DMXL1: variants seen among roughly 807,000 people sequenced by gnomAD.
The protein encoded by DMXL1 is dmX-like protein 1.
In DMXL1, 99 loss-of-function variants were observed where a neutral mutation model predicts 319.2. The ratio of observed to expected loss-of-function variants is 0.31; its 90% CI spans 0.26 to 0.37. DMXL1 has a LOEUF of 0.37. DMXL1 is among the 10% of genes least tolerant of loss of function. The probability of loss-of-function intolerance (pLI) is 1.00; values close to 1 mark genes in which losing one functional copy is unlikely to be tolerated. For synonymous variants in DMXL1, 1,385 were observed against 1,235.2 expected (o/e 1.12, Z -2.54); for missense variants, 3,745 against 3,595.6 (o/e 1.04, Z -1.06).
At chr5:119,162,692 A>G (rs1009557815) in intron 19 of DMXL1, among the ~76,000 whole-genome samples, 1 of 152,244 alleles carries the variant, frequency 6.6e-6, no homozygotes, top group African/African-American at 2.4e-5. Flanking sequence ...GCAAGGAATG[A>G]AACCTGGAAC....
At chr5:119,110,980 G>A (rs1193380996) in intron 5 of DMXL1, among the ~76,000 whole-genome samples, 1 of 152,054 alleles carries the variant, frequency 6.6e-6, no homozygotes, top group Non-Finnish European at 1.5e-5. Context: ...GTAGAGACGG[G>A]GTTTCACCAT....
intron 38 of DMXL1, among the ~76,000 whole-genome samples, chr5:119,229,626 T>C (rs1361036725): frequency 1.3e-5 from 2 of 152,212 alleles, no homozygotes; most frequent in African/African-American, 2.4e-5. Flanking sequence ...AAGAAAAACA[T>C]CCTTCATACC....
intron 4 of DMXL1, among the ~76,000 whole-genome samples, chr5:119,108,956 C>G (rs1407650453): frequency 1.3e-5 from 2 of 152,034 alleles, no homozygotes; most frequent in South Asian, 2.1e-4. Context: ...CATGCTCCAC[C>G]ATGCCCGGCT....
At position 119,146,969 on chromosome 5, in the gene DMXL1, T is replaced by C; in HGVS notation, c.2689+13T>C. On this transcript the variant is annotated intron_variant, in intron 16 of 43. Coordinates refer to ENST00000539542, the MANE Select transcript of DMXL1 (RefSeq NM_001290321.3). Reference sequence around the variant, plus strand: ...CCTGTCTCATTAGGTGAGTCTTTTGTGTGTGTGTTTGTGCAACTTTAATAG... The same window carrying C: ...CCTGTCTCATTAGGTGAGTCTTTTGCGTGTGTGTTTGTGCAACTTTAATAG... 1 of 1,609,688 alleles carries C rather than the reference T, an allele frequency of 6.2e-7. No individual in the cohort carries two copies.
At chr5:119,199,422 A>T (rs1039401677) in intron 32 of DMXL1, among the ~76,000 whole-genome samples, 1 of 152,158 alleles carries the variant, frequency 6.6e-6, no homozygotes, top group African/African-American at 2.4e-5. Flanking sequence ...TTATGGCTAC[A>T]TAGTATTTCT....
At position 119,240,919 on chromosome 5, in the gene DMXL1, A is replaced by G. The variant is rs530033277; in HGVS notation, c.8704+448A>G. Among the ~76,000 whole-genome samples, 7 of 152,324 alleles carry G rather than the reference A, an allele frequency of 4.6e-5. No homozygotes were observed. The South Asian group carries it at 1.2e-3, about 27-fold the overall frequency. The stretch of plus-strand genomic sequence containing the variant: ...TTCTATAAAATATCCCAAAGAATCT[A>G]CAAAATAAATTCACAAGTATAGCAA... On this transcript the variant is annotated intron_variant, in intron 42 of 43. Transcript: ENST00000539542.
intron 7 of DMXL1, 27 bp downstream of exon 7, chr5:119,116,363 C>G (rs754090811): frequency 6.2e-6 from 10 of 1,602,178 alleles, no homozygotes; most frequent in Non-Finnish European, 7.7e-6. Context: ...TTTCCCTCCA[C>G]ATATTAAGGG....
At chr5:119,174,981 G>A (rs773004291) in intron 25 of DMXL1, among the ~76,000 whole-genome samples, 1 of 152,194 alleles carries the variant, frequency 6.6e-6, no homozygotes, top group Non-Finnish European at 1.5e-5. Context: ...CTCTACTGGA[G>A]AGCTGACATC....
At chr5:119,158,359 G>A (rs915494973) in intron 19 of DMXL1, among the ~76,000 whole-genome samples, 14 of 152,056 alleles carry the variant, frequency 9.2e-5, no homozygotes, top group African/African-American at 3.4e-4. Flanking sequence ...TTGTTTATTA[G>A]TTCTAACTGT....
At chr5:119,169,785 T>C (rs1194187095) in intron 23 of DMXL1, among the ~76,000 whole-genome samples, 2 of 152,078 alleles carry the variant, frequency 1.3e-5, no homozygotes, top group African/African-American at 4.8e-5. Context: ...TCAGGGAATA[T>C]AGATAGAAAA....
chr5:119,237,378 T>C lies in DMXL1; in HGVS notation c.8523T>C (p.Cys2841=), dbSNP rs115265659. The C allele has an allele frequency of 5.6e-4, 897 of 1,605,440 alleles. 8 individuals are homozygous for C. The African/African-American group carries it at 0.011, about 20-fold the overall frequency. ...GTTTGTATCAAACAAACTGGAAATGTTGTCCAGTTACTGGAAGCATGCCTA... is the reference window on the plus strand; with the variant it reads ...GTTTGTATCAAACAAACTGGAAATGCTGTCCAGTTACTGGAAGCATGCCTA... ...YLSLYQTNWK[C]CPVTGSMPKP... Residue 2841 remains cysteine (C), a synonymous_variant, in exon 40 of 44, where the codon TGT becomes TGC. Coordinates refer to ENST00000539542, the MANE Select transcript of DMXL1 (RefSeq NM_001290321.3).
At chr5:119,152,789 A>G (rs1485492984) in intron 19 of DMXL1, among the ~76,000 whole-genome samples, 3 of 152,146 alleles carry the variant, frequency 2.0e-5, no homozygotes, top group Non-Finnish European at 2.9e-5. Flanking sequence ...CATTATTGGA[A>G]CTATAGGTTT....
chr5:119,230,660 A>G (rs980595586), intron 38 of DMXL1, among the ~76,000 whole-genome samples: 2 of 152,198 alleles, frequency 1.3e-5, no homozygotes, highest in East Asian at 3.9e-4. Flanking sequence ...AGGCGGGCAG[A>G]TCACAAGGTA....
At position 119,248,657 on chromosome 5, in the gene DMXL1, T is replaced by C. The variant is rs1054845202; in HGVS notation, c.*1438T>C. The C allele has an allele frequency of 6.6e-6, 1 of 152,454 alleles. No individual in the cohort carries two copies. The highest frequency in any genetic ancestry group is 1.5e-5 in the Non-Finnish European group (1 of 67,918). 9.4% of individuals were successfully genotyped at this position (152,454 alleles called of 1,614,324 possible). A position where few individuals can be genotyped will look rare whatever the true frequency, so the allele number is the denominator to read the frequency against. On this transcript the variant is annotated 3_prime_UTR_variant, in exon 44 of 44. Transcript: ENST00000539542. ...GCAAAGAAATGAAGGGCTGGTAAAATGAATTTTGTAATATCCTCAGGATAC... is the reference window on the plus strand; with the variant it reads ...GCAAAGAAATGAAGGGCTGGTAAAACGAATTTTGTAATATCCTCAGGATAC...
intron 2 of DMXL1, among the ~76,000 whole-genome samples, chr5:119,100,205 T>C (rs1580696964): frequency 1.3e-5 from 2 of 151,724 alleles, no homozygotes; most frequent in African/African-American, 4.8e-5. Context: ...CCGAGGCAGG[T>C]GGATCATGAG....
chr5:119,198,996 C>T (rs1000682200), intron 32 of DMXL1, among the ~76,000 whole-genome samples: 9 of 152,164 alleles, frequency 5.9e-5, no homozygotes, highest in Admixed American at 2.6e-4. Context: ...AAACAGTCCT[C>T]CTGTCTCACC....
At chr5:119,174,250 A>G (rs1775340243) in intron 25 of DMXL1, among the ~76,000 whole-genome samples, 1 of 152,110 alleles carries the variant, frequency 6.6e-6, no homozygotes, top group African/African-American at 2.4e-5. Flanking sequence ...TTTTTTTCAA[A>G]TGGTAGTTTC....
At chr5:119,214,921 TCCATGGAG>T (rs1200573823) in intron 34 of DMXL1, among the ~76,000 whole-genome samples, 7 of 152,128 alleles carry the variant, frequency 4.6e-5, no homozygotes, top group Admixed American at 6.6e-5. Flanking sequence ...ATCCCTCTAT[TCCATGGAG>T]CCATCATCTT....
At chr5:119,087,427 T>C (rs1267356129) in intron 1 of DMXL1, among the ~76,000 whole-genome samples, 1 of 152,222 alleles carries the variant, frequency 6.6e-6, no homozygotes, top group African/African-American at 2.4e-5. Flanking sequence ...AATTTTGTTA[T>C]TGATCCATTG....
Sources: allele counts gnomAD v4.1 joint callset (sites outside exome capture counted in the v4.1 genomes callset), GRCh38; gene constraint gnomAD v4.1.1; transcripts MANE v1.5; gene names NCBI Gene and HGNC (gene_info 2026-07-23, HGNC 2026-07-21).